Variants in TSPEAR observed in about 807,000 individuals in gnomAD.
TSPEAR encodes the protein thrombospondin-type laminin G domain and EAR repeat-containing protein.
TSPEAR carries 69 observed loss-of-function variants against 71.6 expected under a neutral mutation model. The ratio of observed to expected loss-of-function variants is 0.96; its 90% CI spans 0.79 to 1.18. The LOEUF is 1.18. Among genes scored for constraint, TSPEAR ranks in the 50% most tolerant of loss-of-function variants. The pLI, the probability that TSPEAR is intolerant of heterozygous loss-of-function variation, is 0.00. For synonymous variants in TSPEAR, 402 were observed against 387.2 expected (o/e 1.04, Z -0.45); for missense variants, 971 against 894.9 (o/e 1.09, Z -1.09).
chr21:44,603,707 T>C (rs587774185), intron 1 of TSPEAR, among the ~76,000 whole-genome samples: 1 of 152,304 alleles, frequency 6.6e-6, no homozygotes, highest in East Asian at 1.9e-4. Flanking sequence ...CAAGGGGCCA[T>C]TCTCAGCCGC....
intron 1 of TSPEAR, among the ~76,000 whole-genome samples, chr21:44,641,335 G>C (rs1199935186): frequency 2.0e-5 from 3 of 152,170 alleles, no homozygotes; most frequent in Non-Finnish European, 4.4e-5. Flanking sequence ...CCAAGTTCCA[G>C]GAGACTGAAA....
rs1180914412 is a variant in TSPEAR at position 44,687,460 on chromosome 21, G to A, written c.82+23973C>T. On this transcript the variant is annotated intron_variant, in intron 1 of 11. Coordinates refer to ENST00000323084, the MANE Select transcript of TSPEAR (RefSeq NM_144991.3). This position sits in a 1 kb window ranked among gnomAD's most constrained non-coding sequence, Gnocchi z 4.4. ...CGGAATCCACACCAGCACTGAGGGCGGCATTGCTTACGCACACGGCAACAG... is the reference window on the plus strand; with the variant it reads ...CGGAATCCACACCAGCACTGAGGGCAGCATTGCTTACGCACACGGCAACAG... 6.6e-6 allele frequency among the ~76,000 whole-genome samples: 1 copy of A among 152,222 alleles called. No homozygotes were observed. Among genetic ancestry groups the A allele is most frequent in the Non-Finnish European group, 1.5e-5 (1 of 68,046 alleles).
At chr21:44,598,791 T>A (rs1346337142) in intron 1 of TSPEAR, among the ~76,000 whole-genome samples, 1 of 152,216 alleles carries the variant, frequency 6.6e-6, no homozygotes, top group Non-Finnish European at 1.5e-5. Flanking sequence ...CCTTCCTGCA[T>A]TTTTATCCTT....
Position 44,499,745 on chromosome 21 carries a change from C to T in TSPEAR, c.*38G>A, listed in dbSNP as rs1476261632. 2 of 1,529,412 alleles carry T rather than the reference C, an allele frequency of 1.3e-6. No individual in the cohort carries two copies. The highest frequency in any genetic ancestry group is 1.8e-6 in the Non-Finnish European group (2 of 1,138,286). 94.7% of individuals were successfully genotyped at this position (1,529,412 alleles called of 1,614,324 possible). A position where few individuals can be genotyped will look rare whatever the true frequency, so the allele number is the denominator to read the frequency against. The stretch of plus-strand genomic sequence containing the variant: ...TGGGGGAGGTGCTGGGGTCCCGCCC[C>T]ACCTGGCCACCCCAGTTGCTGCCGG... On this transcript the variant is annotated 3_prime_UTR_variant, in exon 12 of 12. Transcript: ENST00000323084.
chr21:44,641,515 G>GGAGA (rs1359126369), intron 1 of TSPEAR, among the ~76,000 whole-genome samples: 1 of 152,190 alleles, frequency 6.6e-6, no homozygotes, highest in Non-Finnish European at 1.5e-5. Flanking sequence ...GAAGAGCCCA[G>GGAGA]GAGACCCAGG....
At chr21:44,590,727 G>A (rs1410927081) in intron 1 of TSPEAR, among the ~76,000 whole-genome samples, 1 of 152,132 alleles carries the variant, frequency 6.6e-6, no homozygotes, top group African/African-American at 2.4e-5. Flanking sequence ...CCAGTCCTGG[G>A]GGGCAGCCAT....
chr21:44,631,333 A>G (rs1406532787), intron 1 of TSPEAR, among the ~76,000 whole-genome samples: 1 of 152,214 alleles, frequency 6.6e-6, no homozygotes. Flanking sequence ...ATTTCACTAG[A>G]GAAGTCCCAC....
At chr21:44,575,163 A>G in intron 1 of TSPEAR, 2 of 865,760 alleles carry the variant, frequency 2.3e-6, no homozygotes, top group South Asian at 3.6e-5. Context: ...GAAAGTCTAT[A>G]CTCAATGCTG....
At chr21:44,604,756 C>T (rs587701624) in intron 1 of TSPEAR, among the ~76,000 whole-genome samples, 1 of 152,288 alleles carries the variant, frequency 6.6e-6, no homozygotes, top group Admixed American at 6.5e-5. Flanking sequence ...TGATGAGGTG[C>T]GTCTCTTCTA....
chr21:44,522,859 C>A (rs2052762702), intron 8 of TSPEAR, among the ~76,000 whole-genome samples: 1 of 152,278 alleles, frequency 6.6e-6, no homozygotes, highest in Non-Finnish European at 1.5e-5. Context: ...AGGCCAGCAT[C>A]CCTGCCATGG....
chr21:44,512,516 G>C (rs1445808271), intron 9 of TSPEAR, among the ~76,000 whole-genome samples: 3 of 152,190 alleles, frequency 2.0e-5, no homozygotes, highest in East Asian at 3.9e-4. Context: ...ACGGGCTGCT[G>C]TGTGAGCCCT....
rs1555938761 is a variant in TSPEAR at position 44,642,629 on chromosome 21, G to T, written c.82+68804C>A. On this transcript the variant is annotated intron_variant, in intron 1 of 11. Coordinates refer to ENST00000323084, the MANE Select transcript of TSPEAR (RefSeq NM_144991.3). The surrounding 1 kb of genome is among the most constrained non-coding windows in gnomAD (Gnocchi z 4.1). ...GAGGCCGAGGCAGGCAGATCACGAG[G>T]TCAGGAGATCGAGACCATCCTGGCT... is the stretch of plus-strand genomic sequence containing the variant. Among the ~76,000 whole-genome samples, 1 of 152,276 alleles carries T rather than the reference G, an allele frequency of 6.6e-6. No homozygotes were observed. The highest frequency in any genetic ancestry group is 6.5e-5 in the Admixed American group (1 of 15,300).
At chr21:44,702,138 A>T (rs1555951625) in intron 1 of TSPEAR, 2 of 1,227,580 alleles carry the variant, frequency 1.6e-6, no homozygotes, top group African/African-American at 1.5e-5. Context: ...ACATGAGCAC[A>T]GGGGTGGAGA....
intron 1 of TSPEAR, chr21:44,574,923 C>A (rs782008403): frequency 6.2e-7 from 1 of 1,612,034 alleles, no homozygotes. Flanking sequence ...CTCCTGCCAA[C>A]CCAGCTGCTG....
chr21:44,641,486 G>T (rs964387228), intron 1 of TSPEAR, among the ~76,000 whole-genome samples: 2 of 152,192 alleles, frequency 1.3e-5, no homozygotes, highest in Non-Finnish European at 2.9e-5. Flanking sequence ...AAGCCAAGAA[G>T]AGCCTGAGAT....
chr21:44,555,217 G>A (rs2053506164), intron 2 of TSPEAR, among the ~76,000 whole-genome samples: 1 of 152,178 alleles, frequency 6.6e-6, no homozygotes, highest in Admixed American at 6.5e-5. Flanking sequence ...TGCTCCTGAT[G>A]TTTCCTATTA....
intron 7 of TSPEAR, among the ~76,000 whole-genome samples, chr21:44,526,533 G>C (rs1315365132): frequency 1.3e-5 from 2 of 151,868 alleles, no homozygotes; most frequent in Non-Finnish European, 2.9e-5. Context: ...CCGCCATGCT[G>C]GATGCAAATG....
chr21:44,553,820 C>G (rs114828502), intron 2 of TSPEAR, among the ~76,000 whole-genome samples: 2,431 of 152,314 alleles, frequency 0.016, 62 homozygotes, highest in African/African-American at 0.054. Flanking sequence ...TGAACTGCCT[C>G]AGGCTGACCT....
intron 2 of TSPEAR, chr21:44,551,408 C>T (rs1555918923): frequency 6.2e-7 from 1 of 1,613,288 alleles, no homozygotes; most frequent in Non-Finnish European, 8.5e-7. Context: ...CGTCCACCTG[C>T]CAGGAGTTGG....
Sources: allele counts gnomAD v4.1 joint callset (sites outside exome capture counted in the v4.1 genomes callset), GRCh38; gene constraint gnomAD v4.1.1; non-coding constraint Gnocchi (gnomAD v3.1); transcripts MANE v1.5; gene names NCBI Gene and HGNC (gene_info 2026-07-23, HGNC 2026-07-21).